LRRC19: variants seen among roughly 807,000 people sequenced by gnomAD.
LRRC19 encodes the protein leucine rich repeat containing 19, also known as leucine-rich repeat-containing protein 19.
In LRRC19, 33 loss-of-function variants were observed where a neutral mutation model predicts 33.3. The observed-to-expected ratio is 0.99, with a 90% CI of 0.75 to 1.33. The LOEUF (loss-of-function observed/expected upper bound fraction) is 1.33, where lower values mean the gene tolerates loss of function less well. Among genes scored for constraint, LRRC19 ranks in the 40% most tolerant of loss-of-function variants. The pLI is 0.00. For missense variants in LRRC19, 463 were observed against 417.3 expected (o/e 1.11, Z -0.95); for synonymous variants, 184 against 152.3 (o/e 1.21, Z -1.53).
Position 26,998,054 on chromosome 9 carries a change from T to C in LRRC19, c.269A>G (p.Asn90Ser), listed in dbSNP as rs2131574810. The C allele has an allele frequency of 3.1e-6, 5 of 1,613,062 alleles. No individual in the cohort carries two copies. Among genetic ancestry groups the C allele is most frequent in the South Asian group, 2.2e-5 (2 of 91,044 alleles). Residue 90 changes from asparagine to serine, a missense_variant, in exon 3 of 5, where the codon AAT becomes AGT. By Grantham distance (46) the Asn-to-Ser change is conservative. Transcript: ENST00000380055. ...LIENKVTILH[N>S]NGFGNLSSLE... is the part of the protein sequence containing the mutation. ...ACTGGAGAGGTTACCAAAACCGTTA[T>C]TATGTAAGATAGTAACCTTGTTCTC...
chr9:27,001,940 CTCT>C (rs1828515899), intron 1 of LRRC19, among the ~76,000 whole-genome samples: 2 of 135,400 alleles, frequency 1.5e-5, no homozygotes, highest in Admixed American at 1.5e-4. Flanking sequence ...TTCTTTTTTT[CTCT>C]TTTTTTTTTT....
At position 26,995,734 on chromosome 9, in the gene LRRC19, C is replaced by G. The variant is rs756981383; in HGVS notation, c.900G>C (p.Leu300=). The part of the protein sequence containing the change: ...AIKCPIWYNI[L]LSYNHHRLEE... ...CCAGGCGATGATGATTATAACTAAG[C>G]AGAATATTGTACCATATTGGGCATT... The change falls in exon 5 of 5, where the codon CTG becomes CTC. Residue 300 remains leucine, a synonymous_variant. Coordinates refer to ENST00000380055, the MANE Select transcript of LRRC19 (RefSeq NM_022901.3). 6.2e-7 allele frequency: 1 copy of G among 1,613,792 alleles called. No individual in the cohort carries two copies. The highest frequency in any genetic ancestry group is 8.5e-7 in the Non-Finnish European group (1 of 1,179,890).
chr9:26,999,770 C>CTTTTTTTTTT (rs1179000269), intron 1 of LRRC19, 67 bp from the exon 2 acceptor site: 153 of 340,130 alleles, frequency 4.5e-4, no homozygotes, highest in East Asian at 1.6e-3. Flanking sequence ...TCTGTTTATT[C>CTTTTTTTTTT]TTTTTTTTTT....
At chr9:26,995,933 T>G (rs368266214) in intron 4 of LRRC19, 84 bp from the exon 5 acceptor site, 1 of 900,484 alleles carries the variant, frequency 1.1e-6, no homozygotes. Flanking sequence ...CTAATTCTCC[T>G]CAATATTGGT....
At chr9:27,000,310 A>G (rs942674421) in intron 1 of LRRC19, among the ~76,000 whole-genome samples, 7 of 152,242 alleles carry the variant, frequency 4.6e-5, no homozygotes, top group African/African-American at 1.7e-4. Context: ...TAAAAATTTA[A>G]TATAGAAGTG....
chr9:27,002,787 C>A (rs1391608673), intron 1 of LRRC19, among the ~76,000 whole-genome samples: 1 of 152,022 alleles, frequency 6.6e-6, no homozygotes, highest in South Asian at 2.1e-4. Flanking sequence ...TTTTATGGTT[C>A]CATATGAATT....
rs1275840685 is a variant in LRRC19, at chr9:26,994,838, G to A, written c.*683C>T. Reference sequence around the variant, plus strand: ...TTTAAAACAAGATTTATAGATAATTGTGATGCCCACTTTGGAAGCCAGTAT... The same window carrying A: ...TTTAAAACAAGATTTATAGATAATTATGATGCCCACTTTGGAAGCCAGTAT... On this transcript the variant is annotated 3_prime_UTR_variant, in exon 5 of 5. Coordinates refer to ENST00000380055, the MANE Select transcript of LRRC19 (RefSeq NM_022901.3). The A allele has an allele frequency of 6.6e-6, 1 of 152,566 alleles. No homozygotes were observed. The highest frequency in any genetic ancestry group is 1.5e-5 in the Non-Finnish European group (1 of 68,048). 9.5% of individuals were successfully genotyped at this position (152,566 alleles called of 1,614,324 possible).
rs1360142163 is a variant in LRRC19 at position 26,994,123 on chromosome 9, C to T, written c.*1398G>A. The T allele has an allele frequency of 6.6e-6, 1 of 152,172 alleles. No homozygotes were observed. The highest frequency in any genetic ancestry group is 1.5e-5 in the Non-Finnish European group (1 of 68,038). 9.4% of individuals were successfully genotyped at this position (152,172 alleles called of 1,614,324 possible). Reference sequence around the variant, plus strand: ...TTGGAATGTTATTGAACTACGAGCTCTTAGTAGATGTAACTGAAAGAATGG... The same window carrying T: ...TTGGAATGTTATTGAACTACGAGCTTTTAGTAGATGTAACTGAAAGAATGG... On this transcript the variant is annotated 3_prime_UTR_variant, in exon 5 of 5. Transcript: ENST00000380055.
At chr9:27,004,372 C>G (rs1828666654) in intron 1 of LRRC19, among the ~76,000 whole-genome samples, 1 of 152,142 alleles carries the variant, frequency 6.6e-6, no homozygotes, top group African/African-American at 2.4e-5. Flanking sequence ...TTCAACAAAT[C>G]TAAAGCATCG....
intron 1 of LRRC19, among the ~76,000 whole-genome samples, chr9:27,001,913 A>C (rs1273375755): frequency 6.6e-6 from 1 of 150,846 alleles, no homozygotes; most frequent in Non-Finnish European, 1.5e-5. Context: ...AGTGTTCTAG[A>C]GCAATTCTCC....
chr9:27,002,012 T>TG (rs1828522931), intron 1 of LRRC19, among the ~76,000 whole-genome samples: 1 of 151,944 alleles, frequency 6.6e-6, no homozygotes, highest in African/African-American at 2.4e-5. Flanking sequence ...GATGCACGTC[T>TG]GGGGGGTCCT....
chr9:26,996,513 A>T lies in LRRC19; in HGVS notation c.596-14T>A, dbSNP rs1828167506. On this transcript the variant is annotated splice_polypyrimidine_tract_variant and intron_variant, in intron 3 of 4. Transcript: ENST00000380055. ...TGTTCTCATTTTCTAGTAAATCAGAAAGAATAAGATTTAGTATAGAGAAAA... is the reference window on the plus strand; with the variant it reads ...TGTTCTCATTTTCTAGTAAATCAGATAGAATAAGATTTAGTATAGAGAAAA... The T allele has an allele frequency of 2.1e-6, 3 of 1,414,982 alleles. No homozygotes were observed. The highest frequency in any genetic ancestry group is 2.8e-6 in the Non-Finnish European group (3 of 1,069,758). 87.7% of individuals were successfully genotyped at this position (1,414,982 alleles called of 1,614,324 possible). A position where few individuals can be genotyped will look rare whatever the true frequency, so the allele number is the denominator to read the frequency against.
chr9:27,003,649 A>C (rs1828622749), intron 1 of LRRC19, among the ~76,000 whole-genome samples: 1 of 152,096 alleles, frequency 6.6e-6, no homozygotes, highest in Non-Finnish European at 1.5e-5. Flanking sequence ...CAACTTCCTC[A>C]TTGCCTTTGA....
At chr9:27,004,251 G>A (rs942278881) in intron 1 of LRRC19, among the ~76,000 whole-genome samples, 2 of 152,050 alleles carry the variant, frequency 1.3e-5, no homozygotes, top group Non-Finnish European at 2.9e-5. Flanking sequence ...TCTCAAGTGC[G>A]CTAAAAGAAA....
chr9:27,003,280 T>G (rs912076206), intron 1 of LRRC19, among the ~76,000 whole-genome samples: 1 of 152,144 alleles, frequency 6.6e-6, no homozygotes, highest in African/African-American at 2.4e-5. Flanking sequence ...CCCAGCACTT[T>G]GGGAGGCCGA....
At position 26,998,034 on chromosome 9, in the gene LRRC19, A is replaced by G; in HGVS notation, c.289T>C (p.Ser97Pro). The change falls in exon 3 of 5, where the codon TCC becomes CCC. Residue 97 changes from serine (S) to proline (P), a missense_variant. Transcript: ENST00000380055. Reference sequence around the variant, plus strand: ...CAGATATTTAAAATTTCTAGACTGGAGAGGTTACCAAAACCGTTATTATGT... The same window carrying G: ...CAGATATTTAAAATTTCTAGACTGGGGAGGTTACCAAAACCGTTATTATGT... ...ILHNNGFGNL[S>P]SLEILNICRN... The G allele has an allele frequency of 1.2e-6, 2 of 1,613,746 alleles. No homozygotes were observed. The highest frequency in any genetic ancestry group is 1.3e-5 in the African/African-American group (1 of 75,028).
At position 26,994,544 on chromosome 9, in the gene LRRC19, A is replaced by AG. The variant is rs976420793; in HGVS notation, c.*976_*977insC. On this transcript the variant is annotated 3_prime_UTR_variant, in exon 5 of 5. Transcript: ENST00000380055. ...AGTGCGAGACTTTGTCTCAAAAAAA[A>AG]AAAAAAAAAAAAGAAAAAGAATCTT... The AG allele has an allele frequency of 6.6e-6, 1 of 152,002 alleles. No homozygotes were observed. The highest frequency in any genetic ancestry group is 2.4e-5 in the African/African-American group (1 of 41,356). 9.4% of individuals were successfully genotyped at this position (152,002 alleles called of 1,614,324 possible). A position where few individuals can be genotyped will look rare whatever the true frequency, so the allele number is the denominator to read the frequency against.
At chr9:27,000,605 C>T (rs1828430755) in intron 1 of LRRC19, among the ~76,000 whole-genome samples, 1 of 152,040 alleles carries the variant, frequency 6.6e-6, no homozygotes, top group Non-Finnish European at 1.5e-5. Flanking sequence ...TTGGGATATC[C>T]AACACGTTAA....
Position 26,995,647 on chromosome 9 carries a change from C to G in LRRC19, c.987G>C (p.Gln329His). 6.2e-7 allele frequency: 1 copy of G among 1,613,788 alleles called. No homozygotes were observed. Among genetic ancestry groups the G allele is most frequent in the Non-Finnish European group, 8.5e-7 (1 of 1,179,804 alleles). The part of the protein sequence containing the change: ...GFTGNPSSLS[Q>H]IPETNSEETT... ...TTTCTTCAGAGTTTGTTTCTGGTATCTGTGAAAGAGAGCTTGGATTTCCAG... is the reference window on the plus strand; with the variant it reads ...TTTCTTCAGAGTTTGTTTCTGGTATGTGTGAAAGAGAGCTTGGATTTCCAG... The change falls in exon 5 of 5, where the codon CAG becomes CAC. Residue 329 changes from glutamine to histidine, a missense_variant. By Grantham distance (24) the Gln-to-His change is conservative (BLOSUM62 0). Transcript: ENST00000380055.
Sources: gnomAD v4.1 joint callset for allele counts (sites outside exome capture counted in the v4.1 genomes callset) on GRCh38, gnomAD v4.1.1 for gene constraint, MANE v1.5 for transcripts, NCBI Gene and HGNC (gene_info 2026-07-23, HGNC 2026-07-21) for gene names.